The following FBXO34 variants were observed in gnomAD, a reference collection of about 807,000 sequenced individuals.
FBXO34 encodes F-box only protein 34.
In FBXO34, 12 loss-of-function variants were observed where a neutral mutation model predicts 24.5. The ratio of observed to expected loss-of-function variants is 0.49; its 90% CI spans 0.31 to 0.79. The LOEUF is 0.79. Ranked by LOEUF, FBXO34 falls within the 30% of genes least tolerant of loss-of-function variation. The pLI, the probability that FBXO34 is intolerant of heterozygous loss-of-function variation, is 0.04. For missense variants in FBXO34, 823 were observed against 857.7 expected (o/e 0.96, Z 0.51); for synonymous variants, 320 against 311.9 (o/e 1.03, Z -0.27).
intron 1 of FBXO34, among the ~76,000 whole-genome samples, chr14:55,322,302 T>A (rs112848894): frequency 0.012 from 1,382 of 113,362 alleles, 30 homozygotes; most frequent in African/African-American, 0.046. Flanking sequence ...AGAGCAAGAC[T>A]CTGTCTCAAA....
chr14:55,405,543 A>G, the FBXO34 span, among the ~76,000 whole-genome samples: 1 of 152,196 alleles, frequency 6.6e-6, no homozygotes, highest in South Asian at 2.1e-4. Flanking sequence ...CAGCAGATAC[A>G]TTTCCCCAGG....
At chr14:55,278,515 TTAA>T (rs1881420080) in intron 1 of FBXO34, among the ~76,000 whole-genome samples, 1 of 152,216 alleles carries the variant, frequency 6.6e-6, no homozygotes, top group African/African-American at 2.4e-5. Context: ...CTTCCTTTAT[TTAA>T]TGAGCTCAGC....
rs771305378 is a variant in FBXO34, at chr14:55,317,520, A to G, written c.-10-32861A>G. On this transcript the variant is annotated intron_variant, in intron 1 of 1. Coordinates refer to ENST00000313833, the MANE Select transcript of FBXO34 (RefSeq NM_017943.4). ...CAAAAACCAAAAAACGGTAATAAAT[A>G]CTAAAAACTCATCACTTTCTAATTG... Among the ~76,000 whole-genome samples the G allele has an allele frequency of 1.8e-4, 27 of 152,142 alleles. 1 individual carries two copies. Among genetic ancestry groups the G allele is most frequent in the Middle Eastern group, 3.4e-3 (1 of 294 alleles).
At chr14:55,282,711 A>T (rs1028931879) in intron 1 of FBXO34, 3 of 152,306 alleles carry the variant, frequency 2.0e-5, no homozygotes, top group African/African-American at 7.2e-5. Flanking sequence ...CTGCTTGTTA[A>T]CTTAGACACT....
chr14:55,313,319 T>C lies in FBXO34; in HGVS notation c.-10-37062T>C, dbSNP rs111828513. 9.3e-3 allele frequency among the ~76,000 whole-genome samples: 1,423 copies of C among 152,302 alleles called. 32 individuals are homozygous for C. The highest frequency in any genetic ancestry group is 0.033 in the African/African-American group (1,374 of 41,558). On this transcript the variant is annotated intron_variant, in intron 1 of 1. Coordinates refer to ENST00000313833, the MANE Select transcript of FBXO34 (RefSeq NM_017943.4). ...TGAGACCACCTCATCCTGGACTTCATTGACCATATCACTATCAGCATTTTG... is the reference window on the plus strand; with the variant it reads ...TGAGACCACCTCATCCTGGACTTCACTGACCATATCACTATCAGCATTTTG...
Position 55,350,737 on chromosome 14 carries a change from C to T in FBXO34, c.347C>T (p.Thr116Ile), listed in dbSNP as rs751561144. The T allele has an allele frequency of 6.8e-6, 11 of 1,608,956 alleles. No individual in the cohort carries two copies. Among genetic ancestry groups the T allele is most frequent in the Non-Finnish European group, 7.6e-6 (9 of 1,178,656 alleles). The change falls in exon 2 of 2, where the codon ACC becomes ATC. Residue 116 changes from threonine (T) to isoleucine (I), a missense_variant. Thr to Ile is a moderately conservative substitution (Grantham distance 89). This residue lies in a region of FBXO34 where 693 missense variants were observed against 659.1 expected (regional missense o/e 1.05). Coordinates refer to ENST00000313833, the MANE Select transcript of FBXO34 (RefSeq NM_017943.4). ...DIWAVVKPGN[T>I]KEKIAFFASH... is the part of the protein sequence containing the mutation. ...TGGGCTGTTGTGAAACCTGGAAATA[C>T]CAAGGAAAAAATTGCATTCTTTGCA...
chr14:55,337,721 TAAAC>T (rs1057329368), intron 1 of FBXO34, among the ~76,000 whole-genome samples: 5 of 152,258 alleles, frequency 3.3e-5, no homozygotes, highest in African/African-American at 1.2e-4. Flanking sequence ...AAATATTTGA[TAAAC>T]AAATGAATTT....
intron 1 of FBXO34, among the ~76,000 whole-genome samples, chr14:55,325,437 T>G (rs1883307424): frequency 6.6e-6 from 1 of 152,168 alleles, no homozygotes; most frequent in African/African-American, 2.4e-5. Flanking sequence ...CATGTTTATT[T>G]TCTTTGGTCC....
chr14:55,395,678 A>C, the FBXO34 span, among the ~76,000 whole-genome samples: 9 of 152,218 alleles, frequency 5.9e-5, no homozygotes, highest in African/African-American at 2.2e-4. Flanking sequence ...TTTTGCAAAA[A>C]AGAATAACAG....
chr14:55,391,092 C>T, the FBXO34 span: 2 of 765,448 alleles, frequency 2.6e-6, no homozygotes, highest in Non-Finnish European at 4.2e-6. Context: ...TGTCAGAAAA[C>T]ATAATGAAGA....
At chr14:55,428,480 G>C in the FBXO34 span, among the ~76,000 whole-genome samples, 4 of 152,130 alleles carry the variant, frequency 2.6e-5, no homozygotes, top group Admixed American at 6.5e-5. Context: ...GTGGGCCTCT[G>C]ACCAGTAGCA....
At chr14:55,310,283 G>A (rs2139741420) in intron 1 of FBXO34, among the ~76,000 whole-genome samples, 1 of 152,318 alleles carries the variant, frequency 6.6e-6, no homozygotes, top group Admixed American at 6.5e-5. Flanking sequence ...AAGTATGTTT[G>A]TTCTCTGTGC....
intron 1 of FBXO34, among the ~76,000 whole-genome samples, chr14:55,277,075 A>G (rs1226868239): frequency 6.6e-6 from 1 of 152,254 alleles, no homozygotes; most frequent in East Asian, 1.9e-4. Context: ...AAGTTCATAC[A>G]TCTGTGTAAT....
At chr14:55,376,362 C>G in the FBXO34 span, among the ~76,000 whole-genome samples, 1 of 152,186 alleles carries the variant, frequency 6.6e-6, no homozygotes, top group East Asian at 1.9e-4. Context: ...TGAGTAAACT[C>G]ACAGAAACCA....
chr14:55,379,794 AT>A, the FBXO34 span, among the ~76,000 whole-genome samples: 1 of 152,162 alleles, frequency 6.6e-6, no homozygotes, highest in African/African-American at 2.4e-5. Flanking sequence ...TGATCTCAGC[AT>A]CACTGCAACC....
the FBXO34 span, chr14:55,435,934 C>A: frequency 6.4e-7 from 1 of 1,558,696 alleles, no homozygotes; most frequent in Non-Finnish European, 8.6e-7. Context: ...AAACTATATT[C>A]CTGAAGAAAT....
Position 55,352,192 on chromosome 14 carries a change from C to T in FBXO34, c.1802C>T (p.Thr601Ile). 6.2e-7 allele frequency: 1 copy of T among 1,614,060 alleles called. No homozygotes were observed. Among genetic ancestry groups the T allele is most frequent in the Non-Finnish European group, 8.5e-7 (1 of 1,180,010 alleles). The change falls in exon 2 of 2, where the codon ACC becomes ATC. Residue 601 changes from threonine (T) to isoleucine (I), a missense_variant. Thr to Ile is a moderately conservative substitution (Grantham distance 89). Around this residue, in one of 2 missense-constraint regions of FBXO34, gnomAD observed 130 missense variants for 198.6 expected, o/e 0.65. Coordinates refer to ENST00000313833, the MANE Select transcript of FBXO34 (RefSeq NM_017943.4). The stretch of plus-strand genomic sequence containing the variant: ...AAGAGTTTAGTGGCCCTTAAATGTA[C>T]CTGCTGCTATTTCAAGTTTATCATT... The part of the protein sequence containing the change: ...PTKSLVALKC[T>I]CCYFKFIIEY...
chr14:55,338,416 A>G (rs1883867917), intron 1 of FBXO34, among the ~76,000 whole-genome samples: 1 of 152,036 alleles, frequency 6.6e-6, no homozygotes, highest in South Asian at 2.1e-4. Flanking sequence ...TCTCTGATTC[A>G]GTTTCTTCAT....
At chr14:55,380,525 C>G in the FBXO34 span, 3 of 1,252,096 alleles carry the variant, frequency 2.4e-6, no homozygotes, top group Non-Finnish European at 3.5e-6. Flanking sequence ...AAAATAGAAA[C>G]TTGAAAGAGC....
Sources: gnomAD v4.1 joint callset for allele counts (sites outside exome capture counted in the v4.1 genomes callset) on GRCh38, gnomAD v4.1.1 for gene constraint, gnomAD v4.1.1 regional missense constraint, MANE v1.5 for transcripts, NCBI Gene and HGNC (gene_info 2026-07-23, HGNC 2026-07-21) for gene names.